MAP4K4: variants seen among roughly 807,000 people sequenced by gnomAD.
The protein encoded by MAP4K4 is HPK/GCK-like kinase HGK.
In MAP4K4, 38 loss-of-function variants were observed where a neutral mutation model predicts 189.6. The ratio of observed to expected loss-of-function variants is 0.20; its 90% confidence interval spans 0.15 to 0.26. The LOEUF is 0.26. Ranked by LOEUF, MAP4K4 falls within the 10% of genes least tolerant of loss-of-function variation. MAP4K4 has a pLI of 1.00. For synonymous variants in MAP4K4, 610 were observed against 624.3 expected, an observed-to-expected ratio of 0.98 and a Z score of 0.34; for missense variants, 1,054 against 1,726.9, an observed-to-expected ratio of 0.61 and a Z score of 6.91.
chr2:101,854,751 A>T (rs1202921684), intron 12 of MAP4K4, among the ~76,000 whole-genome samples: 1 of 152,050 alleles, frequency 6.6e-6, no homozygotes, highest in East Asian at 1.9e-4. Flanking sequence ...CTTTACCCTA[A>T]GCTTTCTTGT....
At chr2:101,829,193 A>G (rs1465054686) in intron 5 of MAP4K4, among the ~76,000 whole-genome samples, 1 of 152,166 alleles carries the variant, frequency 6.6e-6, no homozygotes, top group Non-Finnish European at 1.5e-5. Context: ...CCTGTACACA[A>G]ATAGCACAAA....
chr2:101,748,725 GT>G (rs2066925470), intron 2 of MAP4K4, among the ~76,000 whole-genome samples: 2 of 152,046 alleles, frequency 1.3e-5, no homozygotes, highest in African/African-American at 4.8e-5. Context: ...AATTGTCCCT[GT>G]TTGCAGATGA....
chr2:101,843,060 C>T (rs1033443314), intron 11 of MAP4K4, among the ~76,000 whole-genome samples: 10 of 152,154 alleles, frequency 6.6e-5, no homozygotes, highest in Non-Finnish European at 1.3e-4. Flanking sequence ...CGCCCATGGA[C>T]CAGCAGGACT....
Position 101,858,893 on chromosome 2 carries a change from T to G in MAP4K4, c.1396-103T>G, listed in dbSNP as rs987055544. Reference sequence around the variant, plus strand: ...CAGGTATTTACCACTAAGTGAATTGTCACTAAAGGTGATTGGAGCAAATGG... The same window carrying G: ...CAGGTATTTACCACTAAGTGAATTGGCACTAAAGGTGATTGGAGCAAATGG... On this transcript the variant is annotated intron_variant, in intron 13 of 32. Coordinates refer to ENST00000324219, the Ensembl canonical transcript of MAP4K4. The G allele has an allele frequency of 1.1e-5, 8 of 746,268 alleles. No individual in the cohort carries two copies. In the African/African-American group the frequency reaches 1.4e-4, roughly 13 times the overall value. The allele number at this position is 746,268 out of a possible 1,614,324, so 46.2% of individuals were successfully genotyped here. A position where few individuals can be genotyped will look rare whatever the true frequency, so the allele number is the denominator to read the frequency against.
At chr2:101,702,304 G>A (rs1053112278) in intron 2 of MAP4K4, among the ~76,000 whole-genome samples, 28 of 152,070 alleles carry the variant, frequency 1.8e-4, no homozygotes, top group Admixed American at 1.5e-3. Context: ...GGTGGCTTAC[G>A]CTTGTAAATC....
chr2:101,815,804 A>G (rs1188112010), intron 3 of MAP4K4, among the ~76,000 whole-genome samples: 1 of 152,136 alleles, frequency 6.6e-6, no homozygotes, highest in East Asian at 1.9e-4. Context: ...TTTCCAATCT[A>G]GCCAACGGCA....
At chr2:101,866,821 C>T (rs1350984461) in intron 19 of MAP4K4, among the ~76,000 whole-genome samples, 2 of 147,498 alleles carry the variant, frequency 1.4e-5, no homozygotes, top group East Asian at 4.1e-4. Flanking sequence ...ACTAACTTTC[C>T]CAAGGTAATT....
At chr2:101,889,022 G>T in intron 32 of MAP4K4, 87 bp downstream of exon 32, 2 of 1,193,052 alleles carry the variant, frequency 1.7e-6, no homozygotes, top group South Asian at 1.9e-5. Context: ...TAATTTCCTT[G>T]GAGTTTTGAT....
chr2:101,777,024 C>T (rs1454275541), intron 2 of MAP4K4, among the ~76,000 whole-genome samples: 1 of 152,078 alleles, frequency 6.6e-6, no homozygotes, highest in African/African-American at 2.4e-5. Flanking sequence ...CAGGCTTTGC[C>T]AATATAGGCC....
At chr2:101,855,711 G>A (rs775778943) in intron 12 of MAP4K4, among the ~76,000 whole-genome samples, 2 of 152,202 alleles carry the variant, frequency 1.3e-5, no homozygotes, top group African/African-American at 2.4e-5. Flanking sequence ...TTGCTGTGGT[G>A]CAGTGAGCAG....
At chr2:101,810,815 CAATT>C (rs2095373327) in intron 3 of MAP4K4, among the ~76,000 whole-genome samples, 1 of 152,050 alleles carries the variant, frequency 6.6e-6, no homozygotes, top group Non-Finnish European at 1.5e-5. Flanking sequence ...CTGATAAACC[CAATT>C]AATTCTACAA....
chr2:101,785,662 C>CT (rs1409414459), intron 2 of MAP4K4, among the ~76,000 whole-genome samples: 1 of 41,460 alleles, frequency 2.4e-5, no homozygotes, highest in African/African-American at 1.8e-4. Flanking sequence ...CCATCTTCTT[C>CT]TTTCTTTCTT....
intron 3 of MAP4K4, among the ~76,000 whole-genome samples, chr2:101,812,339 T>G (rs893414423): frequency 2.0e-5 from 3 of 152,212 alleles, no homozygotes; most frequent in Admixed American, 6.5e-5. Flanking sequence ...TGTTGTTCTT[T>G]AGGGAGTGAT....
At chr2:101,865,214 G>A (rs1207446394) in intron 18 of MAP4K4, among the ~76,000 whole-genome samples, 178 bp downstream of exon 18, 2 of 152,226 alleles carry the variant, frequency 1.3e-5, no homozygotes, top group Non-Finnish European at 2.9e-5. Flanking sequence ...TTGATGTGTA[G>A]TAAAAAGTGG....
At chr2:101,873,155 A>T (rs561498263) in intron 24 of MAP4K4, among the ~76,000 whole-genome samples, 1 of 152,336 alleles carries the variant, frequency 6.6e-6, no homozygotes, top group East Asian at 1.9e-4. Context: ...ACCTAAAACA[A>T]CAGTAGCCAA....
intron 13 of MAP4K4, 59 bp from the exon 14 acceptor site, chr2:101,858,937 G>A: frequency 7.8e-7 from 1 of 1,282,586 alleles, no homozygotes; most frequent in Non-Finnish European, 1.1e-6. Flanking sequence ...GCTCCATTCA[G>A]GTGGTTCTGA....
chr2:101,795,107 A>C (rs193219957), intron 3 of MAP4K4, among the ~76,000 whole-genome samples: 1 of 152,172 alleles, frequency 6.6e-6, no homozygotes, highest in African/African-American at 2.4e-5. Context: ...TCCCATTATT[A>C]GTGAAGCCAA....
chr2:101,712,371 T>G (rs2046096974), intron 2 of MAP4K4, among the ~76,000 whole-genome samples: 2 of 151,992 alleles, frequency 1.3e-5, no homozygotes, highest in African/African-American at 4.8e-5. Context: ...ATTTTTTGTA[T>G]TTTTAGTAGA....
intron 27 of MAP4K4, among the ~76,000 whole-genome samples, chr2:101,881,787 A>G (rs2098399123): frequency 6.6e-6 from 1 of 152,126 alleles, no homozygotes; most frequent in South Asian, 2.1e-4. Context: ...ATATGATCAT[A>G]TGATTTTTCT....
Sources: gnomAD v4.1 joint callset for allele counts (sites outside exome capture counted in the v4.1 genomes callset) on GRCh38, gnomAD v4.1.1 for gene constraint, MANE v1.5 for transcripts, NCBI Gene and HGNC (gene_info 2026-07-23, HGNC 2026-07-21) for gene names.